CNTN1: variants seen among roughly 807,000 people sequenced by gnomAD.
CNTN1 encodes the protein contactin 1.
A neutral mutation model predicts 126.4 loss-of-function variants in CNTN1; 38 were observed. The observed-to-expected ratio is 0.30, with a 90% CI of 0.23 to 0.39. CNTN1 has a LOEUF of 0.39. Ranked by LOEUF, CNTN1 falls within the 10% of genes least tolerant of loss-of-function variation. CNTN1 has a pLI of 1.00. For missense variants in CNTN1, 1,009 were observed against 1,248.4 expected, an observed-to-expected ratio of 0.81 and a Z score of 2.89; for synonymous variants, 413 against 422.6, an observed-to-expected ratio of 0.98 and a Z score of 0.28.
intron 14 of CNTN1, among the ~76,000 whole-genome samples, chr12:40,952,477 CAGT>C (rs1946725216): frequency 6.6e-6 from 1 of 151,976 alleles, no homozygotes; most frequent in Non-Finnish European, 1.5e-5. Flanking sequence ...ATAGTAGTAT[CAGT>C]AGTGGCAGTA....
At chr12:40,988,965 A>G (rs12829443) in intron 16 of CNTN1, among the ~76,000 whole-genome samples, 1 of 152,200 alleles carries the variant, frequency 6.6e-6, no homozygotes, top group Non-Finnish European at 1.5e-5. Context: ...CTCCTGATCC[A>G]TCCCCAGTAT....
At chr12:40,872,840 G>A (rs1565866318) in intron 1 of CNTN1, among the ~76,000 whole-genome samples, 1 of 151,910 alleles carries the variant, frequency 6.6e-6, no homozygotes, top group African/African-American at 2.4e-5. Flanking sequence ...GATTACAGTC[G>A]TGAACCACCG....
chr12:40,924,592 G>A lies in CNTN1; in HGVS notation c.436G>A (p.Val146Ile), dbSNP rs778263271. Reference protein sequence around the residue: ...DPFPPEERPEVRVKEGKGMVL... With the variant: ...DPFPPEERPEIRVKEGKGMVL... The stretch of plus-strand genomic sequence containing the variant: ...TTTCCCACCTGAGGAACGTCCTGAG[G>A]TCAGAGTAAAAGAAGGGAAAGGAAT... The change falls in exon 6 of 24, where the codon GTC becomes ATC. Residue 146 changes from valine (V) to isoleucine (I), a missense_variant. Val to Ile is a conservative substitution (Grantham distance 29). Transcript: ENST00000551295. The A allele has an allele frequency of 2.5e-6, 4 of 1,607,918 alleles. No homozygotes were observed. Among genetic ancestry groups the A allele is most frequent in the Non-Finnish European group, 2.6e-6 (3 of 1,175,088 alleles).
At chr12:40,711,883 T>C (rs911859728) in intron 1 of CNTN1, among the ~76,000 whole-genome samples, 3 of 152,122 alleles carry the variant, frequency 2.0e-5, no homozygotes, top group Non-Finnish European at 4.4e-5. Context: ...TAGCCTGTTA[T>C]TTTTCTTTGT....
chr12:41,012,159 G>A (rs1383351004), intron 17 of CNTN1, among the ~76,000 whole-genome samples: 1 of 152,032 alleles, frequency 6.6e-6, no homozygotes, highest in Non-Finnish European at 1.5e-5. Flanking sequence ...ACCAAGGGCA[G>A]AGTGACCTTG....
In CNTN1 at chr12:41,071,737, C is replaced by G. The variant is rs1172748971; in HGVS notation, c.*1702C>G. The stretch of plus-strand genomic sequence containing the variant: ...TATGTCAACAGTCTTAAGATCATTG[C>G]CAGATTTCATAAAATATTTAAGTAT... On this transcript the variant is annotated 3_prime_UTR_variant, in exon 24 of 24. Transcript: ENST00000551295. 6 of 152,042 alleles carry G rather than the reference C, an allele frequency of 3.9e-5. No individual in the cohort carries two copies. The allele number at this position is 152,042 out of a possible 1,614,324, so 9.4% of individuals were successfully genotyped here.
intron 1 of CNTN1, among the ~76,000 whole-genome samples, chr12:40,719,337 G>T (rs1942133232): frequency 6.6e-6 from 1 of 152,176 alleles, no homozygotes; most frequent in Non-Finnish European, 1.5e-5. Context: ...TCGGAGTATG[G>T]TATTTATGGA....
At chr12:40,766,191 C>G (rs1001746121) in intron 1 of CNTN1, among the ~76,000 whole-genome samples, 1 of 151,980 alleles carries the variant, frequency 6.6e-6, no homozygotes, top group Admixed American at 6.6e-5. Flanking sequence ...AACCCCATCT[C>G]TACTAAAAAT....
At position 40,800,174 on chromosome 12, in the gene CNTN1, G is replaced by A. The variant is rs149423392; in HGVS notation, c.-77+107582G>A. Among the ~76,000 whole-genome samples the A allele has an allele frequency of 8.3e-3, 1,260 of 151,938 alleles. 16 individuals are homozygous for A. The highest frequency in any genetic ancestry group is 0.03 in the African/African-American group (1,224 of 41,458). On this transcript the variant is annotated intron_variant, in intron 1 of 23. Transcript: ENST00000551295. ...TTTTCCTCATGCTGTTCTCATGACAGTGAGTTCTCACGACATCTGATGGTT... is the reference window on the plus strand; with the variant it reads ...TTTTCCTCATGCTGTTCTCATGACAATGAGTTCTCACGACATCTGATGGTT...
chr12:40,748,259 G>C (rs1938263552), intron 1 of CNTN1, among the ~76,000 whole-genome samples: 1 of 152,110 alleles, frequency 6.6e-6, no homozygotes, highest in South Asian at 2.1e-4. Context: ...TAGGGTTGAA[G>C]AAGGTAGAAT....
At chr12:40,798,295 C>A (rs890905010) in intron 1 of CNTN1, among the ~76,000 whole-genome samples, 1 of 151,910 alleles carries the variant, frequency 6.6e-6, no homozygotes, top group African/African-American at 2.4e-5. Context: ...TGTGACACAG[C>A]CCCAGAGGTT....
intron 17 of CNTN1, among the ~76,000 whole-genome samples, chr12:41,003,078 G>C (rs1006773068): frequency 8.5e-5 from 13 of 152,118 alleles, no homozygotes; most frequent in Non-Finnish European, 1.6e-4. Context: ...TTGGCTCCGG[G>C]TTTGTCACAG....
At chr12:40,723,304 A>G (rs1291971698) in intron 1 of CNTN1, among the ~76,000 whole-genome samples, 2 of 152,282 alleles carry the variant, frequency 1.3e-5, no homozygotes, top group East Asian at 3.9e-4. Context: ...TTGTTCCATA[A>G]TCTTTTAAGA....
chr12:40,772,858 T>C (rs1939397247), intron 1 of CNTN1, among the ~76,000 whole-genome samples: 2 of 151,880 alleles, frequency 1.3e-5, no homozygotes, highest in African/African-American at 4.8e-5. Context: ...AAAAAGATTG[T>C]AGACCCCATT....
At chr12:41,008,335 T>C (rs915238722) in intron 17 of CNTN1, among the ~76,000 whole-genome samples, 2 of 152,248 alleles carry the variant, frequency 1.3e-5, no homozygotes, top group African/African-American at 2.4e-5. Flanking sequence ...GTCATTTTGA[T>C]GAAATGAAAT....
chr12:40,857,646 A>C (rs1371556989), intron 1 of CNTN1, among the ~76,000 whole-genome samples: 4 of 152,212 alleles, frequency 2.6e-5, no homozygotes, highest in Non-Finnish European at 5.9e-5. Flanking sequence ...GCCTTCCAGC[A>C]AAATAGTATT....
At position 40,929,353 on chromosome 12, in the gene CNTN1, CAAA is replaced by C. The variant is rs746133164; in HGVS notation, c.497-434_497-432del. Among the ~76,000 whole-genome samples, 845 of 135,034 alleles carry C rather than the reference CAAA, an allele frequency of 6.3e-3. 4 individuals are homozygous for C. Among genetic ancestry groups the C allele is most frequent in the African/African-American group, 0.021 (809 of 39,232 alleles). 88.6% of individuals were successfully genotyped at this position (135,034 alleles called of 152,430 possible). A position where few individuals can be genotyped will look rare whatever the true frequency, so the allele number is the denominator to read the frequency against. ...AAATAGGTGCACACACACACACACA[CAAA>C]AAAAAAAAGATAAAGCAATAATATG... On this transcript the variant is annotated intron_variant, in intron 6 of 23. Transcript: ENST00000551295.
intron 6 of CNTN1, among the ~76,000 whole-genome samples, chr12:40,925,844 G>GTATATA (rs1201149636): frequency 2.1e-4 from 8 of 38,354 alleles, no homozygotes; most frequent in South Asian, 6.8e-4. Flanking sequence ...GTGTGTGTGT[G>GTATATA]TATATATATA....
chr12:40,820,972 G>GTC (rs908084853), intron 1 of CNTN1, among the ~76,000 whole-genome samples: 12 of 152,154 alleles, frequency 7.9e-5, no homozygotes, highest in African/African-American at 2.7e-4. Flanking sequence ...TAAGGCTGAT[G>GTC]TCTCCATCTC....
Sources: gnomAD v4.1 joint callset for allele counts (sites outside exome capture counted in the v4.1 genomes callset) on GRCh38, gnomAD v4.1.1 for gene constraint, MANE v1.5 for transcripts, NCBI Gene and HGNC (gene_info 2026-07-23, HGNC 2026-07-21) for gene names.